ZMAT4: variants seen among roughly 807,000 people sequenced by gnomAD.
ZMAT4 encodes zinc finger matrin-type 4.
ZMAT4 carries 17 observed loss-of-function variants against 28.7 expected under a neutral mutation model. That is an observed-to-expected ratio of 0.59 (90% CI 0.41 to 0.89). The LOEUF (loss-of-function observed/expected upper bound fraction) is 0.89. Among genes scored for constraint, ZMAT4 ranks in the 40% least tolerant of loss-of-function variants. The pLI, the probability that ZMAT4 is intolerant of heterozygous loss-of-function variation, is 0.00. For missense variants in ZMAT4, 240 were observed against 283.8 expected, an observed-to-expected ratio of 0.85 and a Z score of 1.11; for synonymous variants, 117 against 109.2, an observed-to-expected ratio of 1.07 and a Z score of -0.44.
intron 2 of ZMAT4, among the ~76,000 whole-genome samples, chr8:40,799,040 T>C (rs1044116991): frequency 6.6e-6 from 1 of 151,994 alleles, no homozygotes; most frequent in East Asian, 1.9e-4. Flanking sequence ...GATAGAAGGA[T>C]AGATGGCTGG....
intron 3 of ZMAT4, among the ~76,000 whole-genome samples, chr8:40,703,579 GT>G (rs1461511895): frequency 1.3e-5 from 2 of 152,222 alleles, no homozygotes; most frequent in Non-Finnish European, 2.9e-5. Context: ...TCAGAGGGCA[GT>G]GGGGGAGCAG....
intron 3 of ZMAT4, among the ~76,000 whole-genome samples, chr8:40,754,478 C>T (rs372976144): frequency 3.9e-4 from 59 of 152,178 alleles, no homozygotes; most frequent in Non-Finnish European, 5.6e-4. Context: ...GGTCTCAGGC[C>T]GAGAAAATCA....
intron 5 of ZMAT4, among the ~76,000 whole-genome samples, chr8:40,658,664 A>AC (rs1808047660): frequency 8.3e-5 from 12 of 145,270 alleles, no homozygotes; most frequent in African/African-American, 2.5e-4. Context: ...ACACACACAC[A>AC]AACACAAAAC....
chr8:40,798,024 C>G (rs962838091), intron 2 of ZMAT4, among the ~76,000 whole-genome samples: 4 of 152,204 alleles, frequency 2.6e-5, no homozygotes, highest in Admixed American at 6.5e-5. Flanking sequence ...AGGGTCTTCA[C>G]TGCTCCACCA....
intron 2 of ZMAT4, among the ~76,000 whole-genome samples, chr8:40,791,541 G>T (rs1381130292): frequency 6.6e-6 from 1 of 152,126 alleles, no homozygotes; most frequent in Non-Finnish European, 1.5e-5. Context: ...CAGGTCCTTC[G>T]CCCTGGCTCA....
Position 40,732,834 on chromosome 8 carries a change from C to CTTTT in ZMAT4, c.192+34803_192+34806dup, listed in dbSNP as rs11461186. ...GCAGACCTGGGCTGAGCAAGACCTCCTTTTTTTTTTTTTTTTTTTTTTTTT... is the reference window on the plus strand; with the variant it reads ...GCAGACCTGGGCTGAGCAAGACCTCCTTTTTTTTTTTTTTTTTTTTTTTTTTTTT... On this transcript the variant is annotated intron_variant, in intron 3 of 6. Coordinates refer to ENST00000297737, the MANE Select transcript of ZMAT4 (RefSeq NM_024645.3). Among the ~76,000 whole-genome samples, 26 of 67,020 alleles carry CTTTT rather than the reference C, an allele frequency of 3.9e-4. 1 individual carries two copies. Among genetic ancestry groups the CTTTT allele is most frequent in the Non-Finnish European group, 6.0e-4 (21 of 35,174 alleles). The allele number at this position is 67,020 out of a possible 152,430, so 44.0% of individuals were successfully genotyped here.
At chr8:40,615,039 G>A (rs574617891) in intron 5 of ZMAT4, among the ~76,000 whole-genome samples, 4 of 152,234 alleles carry the variant, frequency 2.6e-5, no homozygotes, top group East Asian at 3.9e-4. Flanking sequence ...TTTACATTTT[G>A]GCATGTTTTT....
chr8:40,602,518 A>T (rs1245595926), intron 5 of ZMAT4, among the ~76,000 whole-genome samples: 1 of 152,186 alleles, frequency 6.6e-6, no homozygotes, highest in Non-Finnish European at 1.5e-5. Flanking sequence ...TTTTCACCAC[A>T]TCCATGCCAA....
chr8:40,871,822 T>A (rs2150654716), intron 1 of ZMAT4, among the ~76,000 whole-genome samples: 1 of 152,322 alleles, frequency 6.6e-6, no homozygotes. Flanking sequence ...TGCTCTTTTC[T>A]CCTCTATAAA....
chr8:40,850,228 G>T (rs1293327062), intron 1 of ZMAT4, among the ~76,000 whole-genome samples: 3 of 151,912 alleles, frequency 2.0e-5, no homozygotes, highest in South Asian at 2.1e-4. Flanking sequence ...TGCTACCTAG[G>T]CAATGAAAAT....
chr8:40,883,949 A>C (rs1297283382), intron 1 of ZMAT4, among the ~76,000 whole-genome samples: 1 of 152,154 alleles, frequency 6.6e-6, no homozygotes, highest in Non-Finnish European at 1.5e-5. Context: ...GAGCTCACAG[A>C]GCCCCTTTCG....
chr8:40,693,907 C>T (rs964267097), intron 4 of ZMAT4, among the ~76,000 whole-genome samples: 4 of 152,138 alleles, frequency 2.6e-5, no homozygotes, highest in Admixed American at 6.5e-5. Flanking sequence ...CCTCATCAGA[C>T]GAAGTAGCTG....
At chr8:40,589,242 G>C (rs1284014006) in intron 5 of ZMAT4, among the ~76,000 whole-genome samples, 1 of 152,160 alleles carries the variant, frequency 6.6e-6, no homozygotes, top group African/African-American at 2.4e-5. Flanking sequence ...TAACAGAGAG[G>C]AAACTGAGGT....
intron 1 of ZMAT4, among the ~76,000 whole-genome samples, chr8:40,833,578 C>A (rs1207003580): frequency 7.1e-6 from 1 of 140,132 alleles, no homozygotes; most frequent in Non-Finnish European, 1.6e-5. Context: ...TCATCATGGT[C>A]TTCCATAAAA....
chr8:40,547,155 C>T, intron 6 of ZMAT4, among the ~76,000 whole-genome samples: 1 of 152,204 alleles, frequency 6.6e-6, no homozygotes, highest in East Asian at 1.9e-4. Flanking sequence ...TCTTAGCGGG[C>T]TTGCGTGTGT....
At chr8:40,765,148 A>T (rs1041126982) in intron 3 of ZMAT4, among the ~76,000 whole-genome samples, 4 of 152,154 alleles carry the variant, frequency 2.6e-5, no homozygotes, top group African/African-American at 9.7e-5. Context: ...AACAGCAGTC[A>T]TCCCTGGCCC....
chr8:40,790,158 A>G (rs1255080257), intron 2 of ZMAT4, among the ~76,000 whole-genome samples: 1 of 152,184 alleles, frequency 6.6e-6, no homozygotes, highest in Non-Finnish European at 1.5e-5. Context: ...CTGAATAAAT[A>G]CGCTTTGTTT....
chr8:40,640,912 T>C (rs1430682907), intron 5 of ZMAT4, among the ~76,000 whole-genome samples: 7 of 149,940 alleles, frequency 4.7e-5, no homozygotes, highest in African/African-American at 1.7e-4. Flanking sequence ...TGGGCCGAGA[T>C]TGCACCACTG....
chr8:40,646,751 ATAGT>A (rs1420829787), intron 5 of ZMAT4, among the ~76,000 whole-genome samples: 5 of 152,326 alleles, frequency 3.3e-5, no homozygotes, highest in Non-Finnish European at 5.9e-5. Context: ...TTCAACTGTA[ATAGT>A]TAGAGACTTC....
Sources: gnomAD v4.1 joint callset for allele counts (sites outside exome capture counted in the v4.1 genomes callset) on GRCh38, gnomAD v4.1.1 for gene constraint, MANE v1.5 for transcripts, NCBI Gene and HGNC (gene_info 2026-07-23, HGNC 2026-07-21) for gene names.